TMEM131: variants seen among roughly 807,000 people sequenced by gnomAD.
The protein encoded by TMEM131 is transmembrane protein 131, also known as 2610524E03Rik.
TMEM131 carries 66 observed loss-of-function variants against 211.6 expected under a neutral mutation model. The ratio of observed to expected loss-of-function variants is 0.31; its 90% CI spans 0.26 to 0.38. The LOEUF (loss-of-function observed/expected upper bound fraction) is 0.38. TMEM131 is among the 10% of genes least tolerant of loss of function. The pLI is 1.00. For synonymous variants in TMEM131, 844 were observed against 841.3 expected, an observed-to-expected ratio of 1.00 and a Z score of -0.06; for missense variants, 2,036 against 2,299.3, an observed-to-expected ratio of 0.89 and a Z score of 2.34.
chr2:97,769,924 T>C (rs1229434644), intron 33 of TMEM131, among the ~76,000 whole-genome samples: 4 of 152,228 alleles, frequency 2.6e-5, no homozygotes, highest in Non-Finnish European at 4.4e-5. Context: ...AGCAAGTGAT[T>C]TTTTTGAGGT....
chr2:97,784,480 G>A (rs1452125000), intron 31 of TMEM131, among the ~76,000 whole-genome samples: 1 of 152,156 alleles, frequency 6.6e-6, no homozygotes, highest in Admixed American at 6.5e-5. Context: ...TGGAAGACTG[G>A]AAACTAAGCA....
chr2:97,905,646 T>A (rs1220046384), intron 3 of TMEM131, among the ~76,000 whole-genome samples: 1 of 152,232 alleles, frequency 6.6e-6, no homozygotes, highest in Non-Finnish European at 1.5e-5. Context: ...ATGTCTAGGT[T>A]GTTCTTAATC....
At position 97,824,119 on chromosome 2, in the gene TMEM131, C is replaced by T. The variant is rs186552027; in HGVS notation, c.1075-5398G>A. On this transcript the variant is annotated intron_variant, in intron 11 of 40. Transcript: ENST00000186436. ...TAGGGCTTGTTATCAGTGTGGTTTA[C>T]AAGGACACTTTAAAAAAGATTGTCC... Among the ~76,000 whole-genome samples the T allele has an allele frequency of 5.3e-5, 8 of 152,300 alleles. No homozygotes were observed. In the East Asian group the frequency reaches 5.8e-4, roughly 11 times the overall value.
At chr2:97,934,919 A>T (rs1261053524) in intron 1 of TMEM131, among the ~76,000 whole-genome samples, 2 of 152,154 alleles carry the variant, frequency 1.3e-5, no homozygotes, top group Non-Finnish European at 2.9e-5. Flanking sequence ...AAAACTTTTT[A>T]AAAAGGATAG....
intron 6 of TMEM131, among the ~76,000 whole-genome samples, chr2:97,842,443 AAC>A (rs1456541487): frequency 6.6e-6 from 1 of 152,220 alleles, no homozygotes; most frequent in African/African-American, 2.4e-5. Context: ...ACAGTAAAAA[AAC>A]AGATAATGTG....
At chr2:97,789,410 C>T (rs1056791098) in intron 31 of TMEM131, among the ~76,000 whole-genome samples, 1 of 152,224 alleles carries the variant, frequency 6.6e-6, no homozygotes, top group African/African-American at 2.4e-5. Flanking sequence ...TGGCATGTGC[C>T]ACTTCCTGCC....
chr2:97,871,065 T>A (rs560148094), intron 4 of TMEM131, among the ~76,000 whole-genome samples: 2 of 152,214 alleles, frequency 1.3e-5, no homozygotes, highest in Non-Finnish European at 2.9e-5. Context: ...CTATTCAACG[T>A]CCATTTTTTT....
chr2:97,852,172 T>C (rs1300603944), intron 5 of TMEM131, among the ~76,000 whole-genome samples: 2 of 151,574 alleles, frequency 1.3e-5, no homozygotes, highest in Non-Finnish European at 2.9e-5. Flanking sequence ...TTTTTTTTTT[T>C]TTTTTTTTGA....
chr2:97,796,045 A>T (rs2104901388), intron 28 of TMEM131, among the ~76,000 whole-genome samples, 173 bp downstream of exon 28: 1 of 152,300 alleles, frequency 6.6e-6, no homozygotes, highest in East Asian at 1.9e-4. Flanking sequence ...GTGAAAAAAA[A>T]TTTACAACTT....
chr2:97,767,716 C>T (rs1444601874), intron 33 of TMEM131, among the ~76,000 whole-genome samples: 2 of 152,182 alleles, frequency 1.3e-5, no homozygotes, highest in Non-Finnish European at 2.9e-5. Context: ...GGATGCATCG[C>T]CGGCATTTTC....
intron 35 of TMEM131, chr2:97,764,236 C>T (rs912569464): frequency 6.6e-6 from 1 of 152,252 alleles, no homozygotes; most frequent in Non-Finnish European, 1.5e-5. Flanking sequence ...AGGAACTGCA[C>T]TAAGCTTGGC....
intron 40 of TMEM131, among the ~76,000 whole-genome samples, chr2:97,758,230 G>C (rs1331280435): frequency 6.6e-6 from 1 of 152,088 alleles, no homozygotes; most frequent in African/African-American, 2.4e-5. Flanking sequence ...GACAACCTTT[G>C]GAATCTGTAA....
In TMEM131 at chr2:97,834,683, A is replaced by C; in HGVS notation, c.956-6T>G. On this transcript the variant is annotated splice_region_variant and splice_polypyrimidine_tract_variant and intron_variant, in intron 9 of 40. Transcript: ENST00000186436. ...TGAGGAATAAATTCCAGGAGCTTGG[A>C]AAAAAGAAAAGTCAACAATTATTTT... is the stretch of plus-strand genomic sequence containing the variant. 1 of 1,595,850 alleles carries C rather than the reference A, an allele frequency of 6.3e-7. No homozygotes were observed. Among genetic ancestry groups the C allele is most frequent in the Non-Finnish European group, 8.5e-7 (1 of 1,173,006 alleles).
intron 1 of TMEM131, among the ~76,000 whole-genome samples, chr2:97,929,449 T>C (rs1460667373): frequency 6.6e-6 from 1 of 151,848 alleles, no homozygotes; most frequent in East Asian, 1.9e-4. Context: ...CTCCCATTTG[T>C]TGGTCTTTTG....
intron 1 of TMEM131, among the ~76,000 whole-genome samples, chr2:97,981,565 G>T (rs922058655): frequency 6.6e-6 from 1 of 152,066 alleles, no homozygotes; most frequent in African/African-American, 2.4e-5. Context: ...TTCCCCCTTA[G>T]ATGAAAAGCC....
At chr2:97,814,214 T>C (rs1681707081) in intron 14 of TMEM131, 21 bp downstream of exon 14, 4 of 1,611,276 alleles carry the variant, frequency 2.5e-6, no homozygotes, top group East Asian at 4.5e-5. Context: ...AAATTAAAAG[T>C]ATGAGGGCTC....
At chr2:97,831,201 TAC>T (rs1392207246) in intron 11 of TMEM131, among the ~76,000 whole-genome samples, 1 of 152,246 alleles carries the variant, frequency 6.6e-6, no homozygotes. Context: ...ACAAAGTAGC[TAC>T]AGTGACCTTT....
At chr2:97,947,844 G>T (rs1425908767) in intron 1 of TMEM131, among the ~76,000 whole-genome samples, 5 of 152,182 alleles carry the variant, frequency 3.3e-5, no homozygotes, top group African/African-American at 4.8e-5. Context: ...GATAACAGAT[G>T]TGTGAAATAG....
At chr2:97,862,839 CA>C (rs1674123444) in intron 4 of TMEM131, among the ~76,000 whole-genome samples, 1 of 152,114 alleles carries the variant, frequency 6.6e-6, no homozygotes. Flanking sequence ...AATAACAGAA[CA>C]CTTCCCAAAT....
Sources: allele counts gnomAD v4.1 joint callset (sites outside exome capture counted in the v4.1 genomes callset), GRCh38; gene constraint gnomAD v4.1.1; transcripts MANE v1.5; gene names NCBI Gene and HGNC (gene_info 2026-07-23, HGNC 2026-07-21).